The following ZMIZ1 variants were observed in gnomAD, a reference collection of about 807,000 sequenced individuals.
The protein encoded by ZMIZ1 is zinc finger MIZ-type containing 1, also known as zinc finger MIZ domain-containing protein 1.
ZMIZ1 carries 17 observed loss-of-function variants against 113.9 expected under a neutral mutation model. The ratio of observed to expected loss-of-function variants is 0.15; its 90% CI spans 0.10 to 0.22. The LOEUF (loss-of-function observed/expected upper bound fraction) is 0.22, where lower values mean the gene tolerates loss of function less well. ZMIZ1 is among the 10% of genes least tolerant of loss of function. The probability of loss-of-function intolerance (pLI) is 1.00; values close to 1 mark genes in which losing one functional copy is unlikely to be tolerated. For missense variants in ZMIZ1, 1,059 were observed against 1,477.8 expected (o/e 0.72, Z 4.65); for synonymous variants, 607 against 603.1 (o/e 1.01, Z -0.09).
rs1346264311 is a variant in ZMIZ1 at position 79,093,417 on chromosome 10, C to T, written c.-337+24147C>T. On this transcript the variant is annotated intron_variant, in intron 1 of 24. Coordinates refer to ENST00000334512, the MANE Select transcript of ZMIZ1 (RefSeq NM_020338.4). ...ATCTCAGCTCACTGCAATCCTGCCT[C>T]CTGGGTTCAAGCGATTCTCCGGCCT... Among the ~76,000 whole-genome samples, 4 of 151,932 alleles carry T rather than the reference C, an allele frequency of 2.6e-5. No homozygotes were observed. In the East Asian group the frequency reaches 7.7e-4, roughly 29 times the overall value.
intron 7 of ZMIZ1, among the ~76,000 whole-genome samples, chr10:79,270,937 G>A (rs778381930): frequency 6.6e-6 from 1 of 152,172 alleles, no homozygotes; most frequent in Non-Finnish European, 1.5e-5. Flanking sequence ...CCTAGGGAAA[G>A]AAGAAGTAAT....
chr10:79,181,053 C>T (rs546167782), intron 4 of ZMIZ1, among the ~76,000 whole-genome samples: 1 of 152,176 alleles, frequency 6.6e-6, no homozygotes, highest in South Asian at 2.1e-4. Flanking sequence ...ACAGTGTGGC[C>T]GTGTGTGGGA....
intron 3 of ZMIZ1, among the ~76,000 whole-genome samples, chr10:79,143,811 G>T (rs1376752166): frequency 6.6e-6 from 1 of 152,150 alleles, no homozygotes; most frequent in Non-Finnish European, 1.5e-5. Context: ...GTGGAGAGAA[G>T]AGTGTGTCCA....
At chr10:79,109,246 G>T (rs1364199778) in intron 1 of ZMIZ1, among the ~76,000 whole-genome samples, 1 of 152,212 alleles carries the variant, frequency 6.6e-6, no homozygotes, top group African/African-American at 2.4e-5. Context: ...ACATGCCTCT[G>T]TGCAAGTGCG....
At chr10:79,177,904 T>A (rs2132556690) in intron 4 of ZMIZ1, among the ~76,000 whole-genome samples, 1 of 152,370 alleles carries the variant, frequency 6.6e-6, no homozygotes, top group East Asian at 1.9e-4. Flanking sequence ...TGTTTCTTTC[T>A]GGTCACCTTA....
chr10:79,307,304 GA>G, intron 22 of ZMIZ1, 100 bp from the exon 23 acceptor site: 1 of 1,257,210 alleles, frequency 8.0e-7, no homozygotes, highest in Non-Finnish European at 1.1e-6. Flanking sequence ...CTCGCAAGAG[GA>G]AAAGGACTTG....
chr10:79,142,843 A>C (rs1363074612), intron 3 of ZMIZ1, among the ~76,000 whole-genome samples: 1 of 152,244 alleles, frequency 6.6e-6, no homozygotes, highest in Admixed American at 6.5e-5. Flanking sequence ...GCAGGGCTCC[A>C]GGTGGCAGGT....
intron 7 of ZMIZ1, among the ~76,000 whole-genome samples, chr10:79,265,312 C>G (rs1466577205): frequency 6.6e-6 from 1 of 152,116 alleles, no homozygotes; most frequent in African/African-American, 2.4e-5. Flanking sequence ...GGCCGGGAGC[C>G]TGCTTGCAGA....
intron 17 of ZMIZ1, 53 bp from the exon 18 acceptor site, chr10:79,302,054 G>T: frequency 6.3e-7 from 1 of 1,582,690 alleles, no homozygotes; most frequent in Middle Eastern, 2.1e-4. Context: ...CTGCAGGCAG[G>T]GCGGGGTGTG....
At chr10:79,153,626 G>C (rs1845790380) in intron 3 of ZMIZ1, among the ~76,000 whole-genome samples, 1 of 152,226 alleles carries the variant, frequency 6.6e-6, no homozygotes, top group Non-Finnish European at 1.5e-5. Flanking sequence ...TGTTGCCTGG[G>C]CTCTGAAAGC....
intron 14 of ZMIZ1, 68 bp downstream of exon 14, chr10:79,297,758 T>C (rs1589593395): frequency 7.1e-7 from 1 of 1,407,860 alleles, no homozygotes. Context: ...TTCTCACTGT[T>C]CCTGCTCCAG....
Position 79,069,458 on chromosome 10 carries a change from C to T in ZMIZ1, c.-337+188C>T, listed in dbSNP as rs1353308742. On this transcript the variant is annotated intron_variant, in intron 1 of 24. Transcript: ENST00000334512. The surrounding 1 kb of genome is among the most constrained non-coding windows in gnomAD (Gnocchi z 4.6). ...TCCTTGGCGGCCGGGGGCCGAGGCC[C>T]GGCGGCCGGCGAGCTCCCGGCTGCG... Among the ~76,000 whole-genome samples, 2 of 151,144 alleles carry T rather than the reference C, an allele frequency of 1.3e-5. No homozygotes were observed. The highest frequency in any genetic ancestry group is 6.6e-5 in the Admixed American group (1 of 15,172).
chr10:79,287,208 C>A (rs1402330801), intron 8 of ZMIZ1, among the ~76,000 whole-genome samples: 1 of 152,218 alleles, frequency 6.6e-6, no homozygotes, highest in African/African-American at 2.4e-5. Flanking sequence ...GAGACAGAGG[C>A]TGTTCCAGCC....
chr10:79,246,251 G>A (rs907891777), intron 7 of ZMIZ1, among the ~76,000 whole-genome samples: 1 of 152,234 alleles, frequency 6.6e-6, no homozygotes, highest in African/African-American at 2.4e-5. Flanking sequence ...GCACGAGTGG[G>A]CAGCGGTCCC....
intron 7 of ZMIZ1, among the ~76,000 whole-genome samples, chr10:79,260,892 C>T (rs1052116564): frequency 3.9e-5 from 6 of 152,196 alleles, no homozygotes; most frequent in African/African-American, 1.4e-4. Context: ...ACACTAGTTT[C>T]CTCCTATCAA....
rs537128056 is a variant in ZMIZ1 at position 79,274,618 on chromosome 10, G to A, written c.281-2563G>A. Among the ~76,000 whole-genome samples the A allele has an allele frequency of 2.4e-3, 323 of 135,246 alleles. 1 individual carries two copies. Among genetic ancestry groups the A allele is most frequent in the African/African-American group, 7.7e-3 (306 of 39,512 alleles). The allele number at this position is 135,246 out of a possible 152,430, so 88.7% of individuals were successfully genotyped here. ...GCACAACATCCACTGCCCCGCATGC[G>A]GCTGCCAGCGTGGCCTCTGTGCTCA... is the stretch of plus-strand genomic sequence containing the variant. On this transcript the variant is annotated intron_variant, in intron 7 of 24. Coordinates refer to ENST00000334512, the MANE Select transcript of ZMIZ1 (RefSeq NM_020338.4).
intron 7 of ZMIZ1, among the ~76,000 whole-genome samples, chr10:79,275,027 C>T (rs905509129): frequency 3.3e-5 from 5 of 152,244 alleles, no homozygotes; most frequent in African/African-American, 1.2e-4. Context: ...GTGATCCCTC[C>T]GTCACTGCGA....
At chr10:79,082,954 GC>G (rs1564640130) in intron 1 of ZMIZ1, among the ~76,000 whole-genome samples, 1 of 152,064 alleles carries the variant, frequency 6.6e-6, no homozygotes, top group African/African-American at 2.4e-5. Context: ...GCCTCCCCTC[GC>G]CCAGCTACCC....
At position 79,143,231 on chromosome 10, in the gene ZMIZ1, G is replaced by A. The variant is rs143613204; in HGVS notation, c.-131+3454G>A. ...GAGTGTACCTTTTTGGTGCTCAGGA[G>A]CCTGAGCCTGACTTAGAATTCCAGC... On this transcript the variant is annotated intron_variant, in intron 3 of 24. Coordinates refer to ENST00000334512, the MANE Select transcript of ZMIZ1 (RefSeq NM_020338.4). 7.6e-3 allele frequency among the ~76,000 whole-genome samples: 1,157 copies of A among 152,214 alleles called. 17 individuals are homozygous for A. Among genetic ancestry groups the A allele is most frequent in the African/African-American group, 0.027 (1,110 of 41,536 alleles).
Sources: allele counts gnomAD v4.1 joint callset (sites outside exome capture counted in the v4.1 genomes callset), GRCh38; gene constraint gnomAD v4.1.1; non-coding constraint Gnocchi (gnomAD v3.1); transcripts MANE v1.5; gene names NCBI Gene and HGNC (gene_info 2026-07-23, HGNC 2026-07-21).